Variants in ZNF799 observed in about 807,000 individuals in gnomAD.
ZNF799 encodes zinc finger protein 799.
ZNF799 carries 28 observed loss-of-function variants against 41.0 expected under a neutral mutation model. The observed-to-expected ratio is 0.68, with a 90% CI of 0.51 to 0.94. ZNF799 has a LOEUF of 0.94. ZNF799 is among the 40% of genes least tolerant of loss of function. The probability of loss-of-function intolerance (pLI) is 0.00; values close to 1 mark genes in which losing one functional copy is unlikely to be tolerated. For synonymous variants in ZNF799, 213 were observed against 252.9 expected, an observed-to-expected ratio of 0.84 and a Z score of 1.50; for missense variants, 716 against 764.3, an observed-to-expected ratio of 0.94 and a Z score of 0.74.
chr19:12,402,871 T>C (rs1228818295), upstream of ZNF799, among the ~76,000 whole-genome samples: 1 of 152,164 alleles, frequency 6.6e-6, no homozygotes, highest in Non-Finnish European at 1.5e-5. Context: ...TCAATATTCA[T>C]CAGTGACACT....
chr19:12,398,869 G>A (rs966909034), intron 1 of ZNF799, among the ~76,000 whole-genome samples: 7 of 151,872 alleles, frequency 4.6e-5, no homozygotes, highest in African/African-American at 1.2e-4. Context: ...AAACACACCT[G>A]AGAAACATAC....
chr19:12,403,523 A>T (rs1970011702), upstream of ZNF799, among the ~76,000 whole-genome samples: 1 of 148,510 alleles, frequency 6.7e-6, no homozygotes, highest in South Asian at 2.1e-4. Flanking sequence ...TAGGTTGTTT[A>T]TTTGAAGGTT....
At chr19:12,404,096 A>C (rs1458419369), upstream of ZNF799, among the ~76,000 whole-genome samples, 3 of 152,112 alleles carry the variant, frequency 2.0e-5, no homozygotes. Flanking sequence ...AGTTTATTCC[A>C]TGTATTCTAT....
intron 1 of ZNF799, among the ~76,000 whole-genome samples, chr19:12,397,351 T>C (rs1229749332): frequency 1.3e-5 from 2 of 151,832 alleles, no homozygotes; most frequent in African/African-American, 4.8e-5. Flanking sequence ...GATCAAGACT[T>C]TGAGTCCACA....
At chr19:12,410,254 CATATATATATATATATATATATATAT>C in the ZNF799 span, among the ~76,000 whole-genome samples, 94 of 62,002 alleles carry the variant, frequency 1.5e-3, 1 homozygote, top group African/African-American at 5.0e-3. Flanking sequence ...TGTCTGTGTG[CATATATATATATATATATATATATAT>C]ATATATATAT....
At chr19:12,394,472 C>A in intron 1 of ZNF799, 1 of 621,434 alleles carries the variant, frequency 1.6e-6, no homozygotes, top group Non-Finnish European at 2.0e-6. Flanking sequence ...TAACATTTCA[C>A]GTTTTGTTGC....
intron 1 of ZNF799, chr19:12,398,381 C>T (rs889323698): frequency 2.6e-5 from 4 of 151,378 alleles, no homozygotes; most frequent in African/African-American, 9.7e-5. Context: ...TATTTAAAAA[C>T]AAAATACTCA....
At chr19:12,400,704 T>C in intron 1 of ZNF799, 1 of 460,304 alleles carries the variant, frequency 2.2e-6, no homozygotes, top group Non-Finnish European at 3.9e-6. Flanking sequence ...ATCTGGGGTG[T>C]CCTCCCCTCT....
Position 12,401,026 on chromosome 19 carries a change from C to T in ZNF799, c.3+42G>A, listed in dbSNP as rs761863687. ...ACAGCCGATTACTGCAGGTTCCACC[C>T]AGCCCCTCCCCCGCCTCGGGACGCC... On this transcript the variant is annotated intron_variant, in intron 1 of 3. Coordinates refer to ENST00000430385, the MANE Select transcript of ZNF799 (RefSeq NM_001080821.3). The T allele has an allele frequency of 5.3e-5, 86 of 1,613,742 alleles. 1 individual carries two copies. Among genetic ancestry groups the T allele is most frequent in the South Asian group, 1.5e-4 (14 of 91,074 alleles).
At chr19:12,401,348 G>A (rs1181120605), upstream of ZNF799, 2 of 973,880 alleles carry the variant, frequency 2.1e-6, no homozygotes, top group Non-Finnish European at 2.9e-6. Flanking sequence ...ATTGACAGAA[G>A]AAGCGATCTT....
At chr19:12,400,842 G>C (rs973919810) in intron 1 of ZNF799, 2 of 698,396 alleles carry the variant, frequency 2.9e-6, no homozygotes, top group Non-Finnish European at 4.7e-6. Context: ...GCTGCCCAGA[G>C]AGGGCGCCGG....
chr19:12,399,376 G>C (rs1193015358), intron 1 of ZNF799, among the ~76,000 whole-genome samples: 2 of 150,228 alleles, frequency 1.3e-5, no homozygotes, highest in Non-Finnish European at 3.0e-5. Context: ...AATCATTTCT[G>C]TTTTTTTTTC....
At position 12,401,056 on chromosome 19, in the gene ZNF799, C is replaced by G. The variant is rs372861238; in HGVS notation, c.3+12G>C. ...CCTCCCCCGCCTCGGGACGCCGGCCCAGCACACGCACCATTTCCCGACTTC... is the reference window on the plus strand; with the variant it reads ...CCTCCCCCGCCTCGGGACGCCGGCCGAGCACACGCACCATTTCCCGACTTC... On this transcript the variant is annotated intron_variant, in intron 1 of 3. Transcript: ENST00000430385. 4 of 1,613,904 alleles carry G rather than the reference C, an allele frequency of 2.5e-6. No homozygotes were observed. In the African/African-American group the frequency reaches 4.0e-5, roughly 16 times the overall value.
chr19:12,401,113 G>T lies in ZNF799; in HGVS notation c.-43C>A. 1 of 1,613,304 alleles carries T rather than the reference G, an allele frequency of 6.2e-7. No individual in the cohort carries two copies. The highest frequency in any genetic ancestry group is 8.5e-7 in the Non-Finnish European group (1 of 1,179,722). On this transcript the variant is annotated 5_prime_UTR_variant, in exon 1 of 4. Coordinates refer to ENST00000430385, the MANE Select transcript of ZNF799 (RefSeq NM_001080821.3). ...GTCCCAGGTCCTCCGGACGGCTCCC[G>T]CTGCCAATGCGGGTTCCCGCGGGAC...
chr19:12,394,868 G>A (rs1031087928), intron 1 of ZNF799: 2 of 984,836 alleles, frequency 2.0e-6, no homozygotes, highest in African/African-American at 1.7e-5. Flanking sequence ...ACAAATAAAG[G>A]ATTTTATTTG....
In ZNF799 at chr19:12,391,740, T is replaced by C; in HGVS notation, c.658A>G (p.Thr220Ala). 3 of 1,614,162 alleles carry C rather than the reference T, an allele frequency of 1.9e-6. No homozygotes were observed. Among genetic ancestry groups the C allele is most frequent in the Non-Finnish European group, 2.5e-6 (3 of 1,180,004 alleles). The change falls in exon 4 of 4, where the codon ACT (threonine) becomes GCT (alanine). Residue 220 changes from threonine (T) to alanine (A), a missense_variant. Physicochemically the swap from Thr to Ala is moderately conservative, Grantham distance 58. Transcript: ENST00000430385. The stretch of plus-strand genomic sequence containing the variant: ...TTACATTCATATGGTTTCTCTCCAG[T>C]GTGCGTTCTCTCATGCATATGTAAT... ...SLLHMHERTH[T>A]GEKPYECKQC...
the ZNF799 span, among the ~76,000 whole-genome samples, chr19:12,414,679 T>C: frequency 6.6e-6 from 1 of 152,178 alleles, no homozygotes; most frequent in African/African-American, 2.4e-5. Context: ...ATGGAAAAAC[T>C]GGAATTATAA....
At chr19:12,405,219 T>TTATA (rs3049622), upstream of ZNF799, among the ~76,000 whole-genome samples, 756 of 148,214 alleles carry the variant, frequency 5.1e-3, no homozygotes, top group African/African-American at 0.012. Context: ...AAACTCCCAT[T>TTATA]TATATATATA....
chr19:12,412,827 G>T, the ZNF799 span, among the ~76,000 whole-genome samples: 10 of 151,854 alleles, frequency 6.6e-5, no homozygotes, highest in African/African-American at 2.4e-4. Flanking sequence ...ATCACCTGAG[G>T]CCGGGAGTTT....
Sources: allele counts gnomAD v4.1 joint callset (sites outside exome capture counted in the v4.1 genomes callset), GRCh38; gene constraint gnomAD v4.1.1; transcripts MANE v1.5; gene names NCBI Gene and HGNC (gene_info 2026-07-23, HGNC 2026-07-21).